Variants in RALGAPA2 observed in about 807,000 individuals in gnomAD.
RALGAPA2 encodes ral GTPase-activating protein subunit alpha-2.
In RALGAPA2, 139 loss-of-function variants were observed where a neutral mutation model predicts 230.4. The observed-to-expected ratio is 0.60, with a 90% CI of 0.53 to 0.69. The LOEUF is 0.69. RALGAPA2 is among the 30% of genes least tolerant of loss of function. The pLI is 0.00. For missense variants in RALGAPA2, 2,163 were observed against 2,276.0 expected (o/e 0.95, Z 1.01); for synonymous variants, 847 against 837.8 (o/e 1.01, Z -0.19).
At chr20:20,627,705 C>T (rs185054852) in intron 10 of RALGAPA2, among the ~76,000 whole-genome samples, 2 of 152,316 alleles carry the variant, frequency 1.3e-5, no homozygotes, top group East Asian at 1.9e-4. Flanking sequence ...CAGGTGTAAC[C>T]GGCCTCTGTA....
chr20:20,608,867 A>G (rs2065899637), intron 14 of RALGAPA2, among the ~76,000 whole-genome samples: 1 of 152,222 alleles, frequency 6.6e-6, no homozygotes, highest in South Asian at 2.1e-4. Context: ...CAGATTAGGG[A>G]AGACACTCAG....
At chr20:20,440,149 T>G (rs1359406510) in intron 37 of RALGAPA2, among the ~76,000 whole-genome samples, 1 of 152,108 alleles carries the variant, frequency 6.6e-6, no homozygotes, top group Non-Finnish European at 1.5e-5. Flanking sequence ...ACTATTTCAG[T>G]GAGTTAAATA....
chr20:20,709,868 T>C (rs375166615), intron 1 of RALGAPA2, among the ~76,000 whole-genome samples: 2 of 152,146 alleles, frequency 1.3e-5, no homozygotes, highest in African/African-American at 4.8e-5. Context: ...ATCACTATTA[T>C]CAAAAATAAG....
chr20:20,407,951 T>G (rs980971013), intron 38 of RALGAPA2, among the ~76,000 whole-genome samples: 3 of 152,158 alleles, frequency 2.0e-5, no homozygotes, highest in African/African-American at 7.2e-5. Context: ...AGTGAGGAAT[T>G]TTCTCCCACT....
chr20:20,389,940 C>T lies in RALGAPA2; in HGVS notation c.*3349G>A, dbSNP rs1428316078. ...TTTACATGTACTAAACATTGTAGAC[C>T]TGAAAACATAAGGAAACATTCACTT... On this transcript the variant is annotated 3_prime_UTR_variant, in exon 40 of 40. Coordinates refer to ENST00000202677, the MANE Select transcript of RALGAPA2 (RefSeq NM_020343.4). 6.6e-6 allele frequency: 1 copy of T among 152,000 alleles called. No homozygotes were observed. The highest frequency in any genetic ancestry group is 1.5e-5 in the Non-Finnish European group (1 of 68,008). 9.4% of individuals were successfully genotyped at this position (152,000 alleles called of 1,614,324 possible). A position where few individuals can be genotyped will look rare whatever the true frequency, so the allele number is the denominator to read the frequency against.
chr20:20,709,755 A>AT (rs759607556), intron 1 of RALGAPA2, among the ~76,000 whole-genome samples: 60 of 152,222 alleles, frequency 3.9e-4, no homozygotes, highest in Non-Finnish European at 7.6e-4. Flanking sequence ...AATTGGAGTT[A>AT]TTACCATGAT....
chr20:20,440,673 G>A (rs146631304), intron 37 of RALGAPA2, among the ~76,000 whole-genome samples: 2,334 of 152,328 alleles, frequency 0.015, 21 homozygotes, highest in Non-Finnish European at 0.024. Context: ...GTGCAATCAC[G>A]CTGTTTATTC....
intron 1 of RALGAPA2, among the ~76,000 whole-genome samples, chr20:20,691,215 C>A (rs900444030): frequency 6.6e-6 from 1 of 152,172 alleles, no homozygotes; most frequent in African/African-American, 2.4e-5. Flanking sequence ...TTACTGGGTC[C>A]TTGAATCCAA....
At chr20:20,530,779 G>A (rs1460367571) in intron 27 of RALGAPA2, among the ~76,000 whole-genome samples, 1 of 152,116 alleles carries the variant, frequency 6.6e-6, no homozygotes, top group African/African-American at 2.4e-5. Context: ...CCTTGAACAA[G>A]TTCCTTAATG....
chr20:20,451,348 T>C (rs1427307637), intron 37 of RALGAPA2, among the ~76,000 whole-genome samples: 1 of 152,146 alleles, frequency 6.6e-6, no homozygotes, highest in African/African-American at 2.4e-5. Flanking sequence ...ATTCTGAGTG[T>C]CTAGCCTGCT....
intron 4 of RALGAPA2, among the ~76,000 whole-genome samples, chr20:20,646,682 G>A (rs1013604966): frequency 1.1e-4 from 16 of 152,128 alleles, no homozygotes; most frequent in Non-Finnish European, 5.9e-5. Flanking sequence ...TGAGAGAAGA[G>A]TGTAGATTCT....
chr20:20,468,065 G>A (rs549397614), intron 37 of RALGAPA2, among the ~76,000 whole-genome samples: 2 of 151,880 alleles, frequency 1.3e-5, no homozygotes, highest in South Asian at 4.2e-4. Context: ...AAACTCTACT[G>A]AAAGCTCATT....
intron 37 of RALGAPA2, among the ~76,000 whole-genome samples, chr20:20,468,877 C>T (rs1209535436): frequency 9.2e-5 from 14 of 151,994 alleles, no homozygotes; most frequent in Admixed American, 2.6e-4. Flanking sequence ...CTGCCTTCGA[C>T]GAGACCCCTG....
chr20:20,461,915 G>T (rs958622152), intron 37 of RALGAPA2, among the ~76,000 whole-genome samples: 1 of 152,158 alleles, frequency 6.6e-6, no homozygotes, highest in Non-Finnish European at 1.5e-5. Flanking sequence ...GGGCTGGCTT[G>T]TTCCATGACA....
chr20:20,475,629 T>C (rs1000358166), intron 36 of RALGAPA2, among the ~76,000 whole-genome samples: 2 of 152,028 alleles, frequency 1.3e-5, no homozygotes, highest in East Asian at 3.9e-4. Context: ...GGGAAAAAGG[T>C]GTCATAATTA....
At chr20:20,527,529 T>C (rs1456824775) in intron 27 of RALGAPA2, among the ~76,000 whole-genome samples, 1 of 152,142 alleles carries the variant, frequency 6.6e-6, no homozygotes, top group Non-Finnish European at 1.5e-5. Flanking sequence ...TGCATGTGGC[T>C]TGCATTGTTA....
intron 15 of RALGAPA2, among the ~76,000 whole-genome samples, chr20:20,604,087 C>G (rs2065744901): frequency 6.6e-6 from 1 of 152,230 alleles, no homozygotes; most frequent in Non-Finnish European, 1.5e-5. Context: ...ATCTCCCCAG[C>G]AAGCCCACGA....
chr20:20,673,028 C>CA (rs1232748007), intron 3 of RALGAPA2, among the ~76,000 whole-genome samples: 2 of 151,280 alleles, frequency 1.3e-5, no homozygotes, highest in Non-Finnish European at 3.0e-5. Flanking sequence ...ACTAAAAATA[C>CA]AAAAAAATTA....
At chr20:20,484,674 G>A (rs1252098136) in intron 36 of RALGAPA2, among the ~76,000 whole-genome samples, 1 of 152,136 alleles carries the variant, frequency 6.6e-6, no homozygotes, top group Non-Finnish European at 1.5e-5. Context: ...AGTGATTAGA[G>A]ATGAAAATAA....
Sources: allele counts gnomAD v4.1 joint callset (sites outside exome capture counted in the v4.1 genomes callset), GRCh38; gene constraint gnomAD v4.1.1; transcripts MANE v1.5; gene names NCBI Gene and HGNC (gene_info 2026-07-23, HGNC 2026-07-21).